Variants in BBX observed in about 807,000 individuals in gnomAD.
The protein encoded by BBX is BBX high mobility group box domain containing, also known as HMG box transcription factor BBX.
Under a neutral mutation model 100.2 loss-of-function variants are expected in BBX, and 30 were observed. That is an observed-to-expected ratio of 0.30 (90% CI 0.22 to 0.41). The LOEUF (loss-of-function observed/expected upper bound fraction) is 0.41, where lower values mean the gene tolerates loss of function less well. BBX is among the 10% of genes least tolerant of loss of function. The pLI, the probability that BBX is intolerant of heterozygous loss-of-function variation, is 1.00. For missense variants in BBX, 1,023 were observed against 1,129.8 expected, an observed-to-expected ratio of 0.91 and a Z score of 1.35; for synonymous variants, 376 against 388.1, an observed-to-expected ratio of 0.97 and a Z score of 0.37.
At chr3:107,762,886 C>CT in intron 10 of BBX, among the ~76,000 whole-genome samples, 1 of 152,260 alleles carries the variant, frequency 6.6e-6, no homozygotes, top group African/African-American at 2.4e-5. Context: ...GAATCCAATA[C>CT]TTTGAGTTCT....
At chr3:107,759,660 T>C (rs1002685260) in intron 10 of BBX, among the ~76,000 whole-genome samples, 1 of 152,172 alleles carries the variant, frequency 6.6e-6, no homozygotes. Flanking sequence ...CAGTAGTTAT[T>C]GAGGATGTAT....
chr3:107,650,125 A>C (rs541619206), intron 3 of BBX, among the ~76,000 whole-genome samples: 3 of 152,230 alleles, frequency 2.0e-5, no homozygotes, highest in Admixed American at 2.0e-4. Context: ...GGTTTAATTA[A>C]TTTAGACTCC....
chr3:107,796,346 A>G (rs1264770977), intron 15 of BBX, among the ~76,000 whole-genome samples: 1 of 152,006 alleles, frequency 6.6e-6, no homozygotes, highest in Non-Finnish European at 1.5e-5. Flanking sequence ...ACACCTTTCC[A>G]TCTTTGGAAC....
chr3:107,753,941 T>C lies in BBX; in HGVS notation c.826-1657T>C, dbSNP rs1041136690. On this transcript the variant is annotated intron_variant, in intron 9 of 17. Transcript: ENST00000325805. ...AAAGGTGTTTATGTTTATTAAGTGT[T>C]AAAGATAAATCATTATTAGTAATAA... Among the ~76,000 whole-genome samples the C allele has an allele frequency of 2.0e-5, 3 of 152,210 alleles. No homozygotes were observed. In the South Asian group the frequency reaches 6.2e-4, roughly 32 times the overall value.
At chr3:107,713,695 A>C (rs2061881201) in intron 4 of BBX, among the ~76,000 whole-genome samples, 1 of 152,156 alleles carries the variant, frequency 6.6e-6, no homozygotes, top group Non-Finnish European at 1.5e-5. Flanking sequence ...ACAGTTCCAA[A>C]CTGCTGGTTT....
chr3:107,593,831 A>G (rs967369769), intron 2 of BBX, among the ~76,000 whole-genome samples: 5 of 152,250 alleles, frequency 3.3e-5, no homozygotes, highest in Non-Finnish European at 7.3e-5. Context: ...TTTTATACGG[A>G]AGCTGTAGAG....
intron 2 of BBX, among the ~76,000 whole-genome samples, chr3:107,637,559 T>C (rs1330741720): frequency 6.6e-6 from 1 of 152,222 alleles, no homozygotes; most frequent in African/African-American, 2.4e-5. Context: ...GCCTCTGTCT[T>C]GGTTGTGTGG....
chr3:107,557,128 A>G (rs1450946241), intron 2 of BBX, among the ~76,000 whole-genome samples: 1 of 152,254 alleles, frequency 6.6e-6, no homozygotes, highest in African/African-American at 2.4e-5. Flanking sequence ...TCACATACCT[A>G]TTGAGAATAT....
chr3:107,605,371 T>A (rs1411999604), intron 2 of BBX, among the ~76,000 whole-genome samples: 1 of 59,480 alleles, frequency 1.7e-5, no homozygotes, highest in Non-Finnish European at 3.1e-5. Flanking sequence ...ATTCTTCACT[T>A]TCTATTTTTT....
At chr3:107,789,953 G>A in intron 14 of BBX, 77 bp downstream of exon 14, 5 of 1,179,130 alleles carry the variant, frequency 4.2e-6, no homozygotes, top group Non-Finnish European at 6.0e-6. Flanking sequence ...ATGCTCCCAT[G>A]CACTGCCTTT....
At chr3:107,797,729 T>C (rs1005294992) in intron 15 of BBX, among the ~76,000 whole-genome samples, 1 of 152,158 alleles carries the variant, frequency 6.6e-6, no homozygotes, top group Non-Finnish European at 1.5e-5. Context: ...CCCCAATCTG[T>C]GTAAACCAGG....
chr3:107,740,574 C>G (rs2064011934), intron 7 of BBX, among the ~76,000 whole-genome samples: 2 of 152,254 alleles, frequency 1.3e-5, no homozygotes, highest in South Asian at 4.1e-4. Flanking sequence ...TGGCTGGCTC[C>G]TCACTGCCTC....
chr3:107,646,002 A>C (rs1457293631), intron 3 of BBX, 93 bp downstream of exon 3: 1 of 152,620 alleles, frequency 6.6e-6, no homozygotes, highest in Non-Finnish European at 1.5e-5. Flanking sequence ...TCTCAGCATG[A>C]TCAAGGAAGT....
chr3:107,531,688 G>A (rs558527962), intron 2 of BBX, among the ~76,000 whole-genome samples: 1 of 152,108 alleles, frequency 6.6e-6, no homozygotes, highest in East Asian at 1.9e-4. Context: ...GAAATAATAA[G>A]AGTAACCAGA....
Position 107,692,170 on chromosome 3 carries a change from T to TTTTATTTATTTATTTA in BBX, c.-9-18263_-9-18248dup, listed in dbSNP as rs201883262. The stretch of plus-strand genomic sequence containing the variant: ...AGAAAACATCCAGATTTTTTAATTA[T>TTTTATTTATTTATTTA]TTTATTTATTTATTTATTTATTTAT... On this transcript the variant is annotated intron_variant, in intron 3 of 17. Coordinates refer to ENST00000325805, the MANE Select transcript of BBX (RefSeq NM_001142568.3). Among the ~76,000 whole-genome samples, 633 of 148,116 alleles carry TTTTATTTATTTATTTA rather than the reference T, an allele frequency of 4.3e-3. 7 individuals are homozygous for TTTTATTTATTTATTTA. Among genetic ancestry groups the TTTTATTTATTTATTTA allele is most frequent in the African/African-American group, 0.015 (611 of 39,920 alleles).
chr3:107,524,720 G>T (rs1005807385), intron 1 of BBX, among the ~76,000 whole-genome samples: 1 of 147,760 alleles, frequency 6.8e-6, no homozygotes, highest in Admixed American at 6.8e-5. Context: ...CAGTGTGTAG[G>T]GTCTAGTCAA....
chr3:107,761,364 T>G (rs1403775), intron 10 of BBX, among the ~76,000 whole-genome samples: 150,722 of 152,254 alleles, frequency 0.99, 74,624 homozygotes, highest in Middle Eastern at 1. Flanking sequence ...TTTGGGACGG[T>G]GTTACACAGT....
At position 107,551,281 on chromosome 3, in the gene BBX, C is replaced by T. The variant is rs148756006; in HGVS notation, c.-84+24883C>T. Among the ~76,000 whole-genome samples, 1,328 of 152,298 alleles carry T rather than the reference C, an allele frequency of 8.7e-3. 26 individuals carry two copies. The highest frequency in any genetic ancestry group is 0.03 in the African/African-American group (1,266 of 41,554). ...CGTGTTAGTTAATTATTTGATGCTG[C>T]ATCTTCGATTACTAATGAGCCCAGT... On this transcript the variant is annotated intron_variant, in intron 2 of 17. Coordinates refer to ENST00000325805, the MANE Select transcript of BBX (RefSeq NM_001142568.3).
At chr3:107,801,338 A>T (rs982634856) in intron 17 of BBX, 57 bp downstream of exon 17, 1 of 1,560,084 alleles carries the variant, frequency 6.4e-7, no homozygotes, top group Non-Finnish European at 8.7e-7. Context: ...AACCTCTTTG[A>T]TGTGATTTGT....
Sources: gnomAD v4.1 joint callset for allele counts (sites outside exome capture counted in the v4.1 genomes callset) on GRCh38, gnomAD v4.1.1 for gene constraint, MANE v1.5 for transcripts, NCBI Gene and HGNC (gene_info 2026-07-23, HGNC 2026-07-21) for gene names.